The following FGGY variants were observed in gnomAD, a reference collection of about 807,000 sequenced individuals.
FGGY encodes FGGY carbohydrate kinase domain containing.
Under a neutral mutation model 71.3 loss-of-function variants are expected in FGGY, and 72 were observed. The observed-to-expected ratio is 1.01, with a 90% CI of 0.84 to 1.23. The LOEUF is 1.23. FGGY is among the 50% of genes most tolerant of loss of function. The probability of loss-of-function intolerance (pLI) is 0.00; values close to 1 mark genes in which losing one functional copy is unlikely to be tolerated. For missense variants in FGGY, 668 were observed against 682.3 expected (o/e 0.98, Z 0.23); for synonymous variants, 251 against 250.3 (o/e 1.00, Z -0.02).
At chr1:59,628,051 G>C (rs566363764) in intron 10 of FGGY, among the ~76,000 whole-genome samples, 16 of 152,262 alleles carry the variant, frequency 1.1e-4, no homozygotes, top group African/African-American at 3.8e-4. Context: ...ATCATTAATG[G>C]ATGCTAAAAT....
intron 1 of FGGY, among the ~76,000 whole-genome samples, chr1:59,320,267 C>A (rs2046158483): frequency 6.6e-6 from 1 of 152,180 alleles, no homozygotes; most frequent in African/African-American, 2.4e-5. Flanking sequence ...TTGTTTTTTA[C>A]TGGAGTAAAT....
intron 6 of FGGY, among the ~76,000 whole-genome samples, chr1:59,503,620 A>T (rs977056593): frequency 1.7e-4 from 23 of 134,150 alleles, no homozygotes; most frequent in African/African-American, 4.5e-4. Flanking sequence ...TATATATATA[A>T]AATATGTATT....
At chr1:59,621,109 A>G (rs2096802014) in intron 9 of FGGY, among the ~76,000 whole-genome samples, 1 of 152,042 alleles carries the variant, frequency 6.6e-6, no homozygotes, top group Non-Finnish European at 1.5e-5. Flanking sequence ...GTATGTGTAT[A>G]TGAAGAGAAA....
chr1:59,751,210 G>C (rs1383921182), intron 14 of FGGY, among the ~76,000 whole-genome samples: 1 of 152,162 alleles, frequency 6.6e-6, no homozygotes, highest in Admixed American at 6.5e-5. Flanking sequence ...TATTCACAAA[G>C]TGGTGATAGA....
chr1:59,617,118 A>G (rs1261519253), intron 9 of FGGY, among the ~76,000 whole-genome samples: 1 of 152,162 alleles, frequency 6.6e-6, no homozygotes, highest in African/African-American at 2.4e-5. Flanking sequence ...ATCTTCTCTA[A>G]TAAGCCACAT....
chr1:59,505,034 AAAAAT>A (rs1400883551), intron 6 of FGGY, among the ~76,000 whole-genome samples: 3 of 152,208 alleles, frequency 2.0e-5, no homozygotes, highest in African/African-American at 7.2e-5. Context: ...AAATAGGGGA[AAAAAT>A]AAAACACAAC....
intron 9 of FGGY, among the ~76,000 whole-genome samples, chr1:59,610,624 G>C (rs371639119): frequency 1.1e-3 from 169 of 152,350 alleles, no homozygotes; most frequent in African/African-American, 4.0e-3. Context: ...TTCCAGCTGA[G>C]ATACTGGGTT....
intron 6 of FGGY, among the ~76,000 whole-genome samples, chr1:59,512,060 A>G (rs1468179167): frequency 1.3e-5 from 2 of 152,132 alleles, no homozygotes; most frequent in African/African-American, 2.4e-5. Flanking sequence ...CATTTTCAGA[A>G]TCTTTATCTG....
At chr1:59,400,308 A>G (rs1487620666) in intron 5 of FGGY, among the ~76,000 whole-genome samples, 2 of 152,116 alleles carry the variant, frequency 1.3e-5, no homozygotes, top group Non-Finnish European at 2.9e-5. Flanking sequence ...ACCTCCTACA[A>G]TCTAAGCTGC....
At chr1:59,726,943 T>C (rs1012010185) in intron 14 of FGGY, among the ~76,000 whole-genome samples, 1 of 152,196 alleles carries the variant, frequency 6.6e-6, no homozygotes, top group East Asian at 1.9e-4. Flanking sequence ...GTTTGTTACA[T>C]AGGTATATTG....
chr1:59,613,168 T>C (rs2153824150), intron 9 of FGGY, among the ~76,000 whole-genome samples: 1 of 152,142 alleles, frequency 6.6e-6, no homozygotes, highest in Middle Eastern at 3.4e-3. Context: ...TCTACAGAAC[T>C]CTCCACCCCA....
At chr1:59,385,634 G>A (rs1044810686) in intron 5 of FGGY, among the ~76,000 whole-genome samples, 3 of 151,990 alleles carry the variant, frequency 2.0e-5, no homozygotes, top group Admixed American at 2.0e-4. Context: ...AAAAATATAT[G>A]TATAAATTCT....
At chr1:59,369,446 G>T (rs1488525742) in intron 4 of FGGY, among the ~76,000 whole-genome samples, 1 of 152,208 alleles carries the variant, frequency 6.6e-6, no homozygotes, top group Non-Finnish European at 1.5e-5. Context: ...AGCTCAAGGA[G>T]GCCTGCCTGC....
chr1:59,501,905 C>A (rs2094236972), intron 6 of FGGY, among the ~76,000 whole-genome samples: 2 of 152,144 alleles, frequency 1.3e-5, no homozygotes, highest in South Asian at 2.1e-4. Flanking sequence ...AGCTGAGTAC[C>A]CTCTGTGTGT....
At chr1:59,434,459 C>A (rs2068002407) in intron 5 of FGGY, among the ~76,000 whole-genome samples, 1 of 152,218 alleles carries the variant, frequency 6.6e-6, no homozygotes, top group Non-Finnish European at 1.5e-5. Context: ...ACTTAACACT[C>A]TGGCAGATAT....
intron 5 of FGGY, among the ~76,000 whole-genome samples, chr1:59,405,977 G>A (rs536557142): frequency 2.7e-5 from 4 of 150,906 alleles, no homozygotes; most frequent in African/African-American, 9.8e-5. Flanking sequence ...TTAATTGCAA[G>A]CTCAATGAAG....
intron 14 of FGGY, among the ~76,000 whole-genome samples, chr1:59,694,039 C>T (rs994892197): frequency 6.7e-6 from 1 of 149,978 alleles, no homozygotes; most frequent in Admixed American, 6.7e-5. Flanking sequence ...CGGTGGCTCA[C>T]GCCTGTAATC....
At chr1:59,753,770 G>T (rs1010732969) in intron 14 of FGGY, among the ~76,000 whole-genome samples, 2 of 151,748 alleles carry the variant, frequency 1.3e-5, no homozygotes, top group Non-Finnish European at 2.9e-5. Flanking sequence ...TGATTATTGA[G>T]ATAGAATACA....
At position 59,546,541 on chromosome 1, in the gene FGGY, T is replaced by G. The variant is rs552850833; in HGVS notation, c.800-7583T>G. On this transcript the variant is annotated intron_variant, in intron 7 of 15. Coordinates refer to ENST00000303721, the MANE Select transcript of FGGY (RefSeq NM_018291.5). Reference sequence around the variant, plus strand: ...TGATGATGATGATGATGATGATTATTATTATTATTATTTGAGACGGAGTCT... The same window carrying G: ...TGATGATGATGATGATGATGATTATGATTATTATTATTTGAGACGGAGTCT... Among the ~76,000 whole-genome samples the G allele has an allele frequency of 2.7e-3, 393 of 148,262 alleles. 1 individual carries two copies. Among genetic ancestry groups the G allele is most frequent in the Non-Finnish European group, 3.3e-3 (217 of 66,148 alleles).
Sources: gnomAD v4.1 joint callset for allele counts (sites outside exome capture counted in the v4.1 genomes callset) on GRCh38, gnomAD v4.1.1 for gene constraint, MANE v1.5 for transcripts, NCBI Gene and HGNC (gene_info 2026-07-23, HGNC 2026-07-21) for gene names.